PDE4D: variants seen among roughly 807,000 people sequenced by gnomAD.
PDE4D encodes the protein phosphodiesterase 4D, also known as 3',5'-cyclic-AMP phosphodiesterase 4D.
Under a neutral mutation model 87.4 loss-of-function variants are expected in PDE4D, and 24 were observed. The ratio of observed to expected loss-of-function variants is 0.27; its 90% CI spans 0.20 to 0.39. The LOEUF (loss-of-function observed/expected upper bound fraction) is 0.39, where lower values mean the gene tolerates loss of function less well. Among genes scored for constraint, PDE4D ranks in the 10% least tolerant of loss-of-function variants. The probability of loss-of-function intolerance (pLI) is 1.00; values close to 1 mark genes in which losing one functional copy is unlikely to be tolerated. For missense variants in PDE4D, 714 were observed against 1,041.0 expected, an observed-to-expected ratio of 0.69 and a Z score of 4.32; for synonymous variants, 384 against 383.2, an observed-to-expected ratio of 1.00 and a Z score of -0.02.
intron 2 of PDE4D, among the ~76,000 whole-genome samples, chr5:60,012,509 T>C (rs1044149816): frequency 6.6e-6 from 1 of 152,218 alleles, no homozygotes; most frequent in African/African-American, 2.4e-5. Context: ...GAAAAAATCC[T>C]GACTTCTGCA....
intron 1 of PDE4D, among the ~76,000 whole-genome samples, chr5:60,389,548 G>A (rs1561197900): frequency 6.6e-6 from 1 of 152,106 alleles, no homozygotes; most frequent in Non-Finnish European, 1.5e-5. Context: ...TAACAACAGT[G>A]ATTTCATTTT....
At chr5:59,795,315 T>C (rs1766336124) in intron 1 of PDE4D, among the ~76,000 whole-genome samples, 1 of 152,138 alleles carries the variant, frequency 6.6e-6, no homozygotes, top group Non-Finnish European at 1.5e-5. Flanking sequence ...GTTCCTCTTT[T>C]TGGACACAGA....
intron 1 of PDE4D, among the ~76,000 whole-genome samples, chr5:59,574,426 T>C (rs55723056): frequency 0.16 from 24,019 of 151,632 alleles, 2,106 homozygotes; most frequent in South Asian, 0.23. Context: ...TATTATCTCA[T>C]TGAATCCTTA....
At chr5:59,914,330 G>T (rs1444469630) in intron 3 of PDE4D, among the ~76,000 whole-genome samples, 1 of 152,054 alleles carries the variant, frequency 6.6e-6, no homozygotes, top group East Asian at 1.9e-4. Flanking sequence ...GGAGAGGGAG[G>T]TATGCAATTT....
At chr5:59,723,450 CG>C (rs1323112688) in intron 1 of PDE4D, among the ~76,000 whole-genome samples, 7 of 152,056 alleles carry the variant, frequency 4.6e-5, no homozygotes, top group African/African-American at 1.7e-4. Context: ...TCAAGAAATA[CG>C]GACTATTGTT....
intron 1 of PDE4D, among the ~76,000 whole-genome samples, chr5:60,514,111 G>A (rs1303545715): frequency 1.3e-5 from 2 of 151,618 alleles, no homozygotes; most frequent in African/African-American, 4.8e-5. Flanking sequence ...TGATAAAGGA[G>A]GAAATAACAA....
chr5:60,331,370 C>G (rs1041369747), intron 1 of PDE4D, among the ~76,000 whole-genome samples: 1 of 152,220 alleles, frequency 6.6e-6, no homozygotes, highest in Non-Finnish European at 1.5e-5. Context: ...AAGCCCTGCA[C>G]CAGAATTTAC....
At chr5:59,848,271 A>T (rs1014351072) in intron 1 of PDE4D, among the ~76,000 whole-genome samples, 12 of 152,068 alleles carry the variant, frequency 7.9e-5, no homozygotes, top group Non-Finnish European at 1.8e-4. Context: ...TGTTTATTGT[A>T]ATTTCAAGTG....
chr5:59,132,628 T>A (rs1431897381), intron 5 of PDE4D, among the ~76,000 whole-genome samples: 1 of 152,212 alleles, frequency 6.6e-6, no homozygotes. Flanking sequence ...AACACTAGTT[T>A]AATCTTCCCT....
intron 2 of PDE4D, among the ~76,000 whole-genome samples, chr5:60,160,984 T>C (rs1782426618): frequency 6.6e-6 from 1 of 152,180 alleles, no homozygotes; most frequent in Non-Finnish European, 1.5e-5. Flanking sequence ...TCAAAATTCA[T>C]CATGATGTGC....
At chr5:59,122,394 G>A (rs1045167906) in intron 5 of PDE4D, among the ~76,000 whole-genome samples, 1 of 152,150 alleles carries the variant, frequency 6.6e-6, no homozygotes, top group Non-Finnish European at 1.5e-5. Context: ...CAGAGCCTGG[G>A]AGGAGTGTGT....
Position 59,664,031 on chromosome 5 carries a change from C to A in PDE4D, c.455+229137G>T, listed in dbSNP as rs78363586. On this transcript the variant is annotated intron_variant, in intron 1 of 14. Coordinates refer to ENST00000340635, the MANE Select transcript of PDE4D (RefSeq NM_001104631.2). Reference sequence around the variant, plus strand: ...TTTGCCTATTTTTAAAAAGCTCTTCCTTCATTCTGATTGGCTTTAGAAACA... The same window carrying A: ...TTTGCCTATTTTTAAAAAGCTCTTCATTCATTCTGATTGGCTTTAGAAACA... 3.5e-3 allele frequency among the ~76,000 whole-genome samples: 532 copies of A among 152,260 alleles called. 3 individuals carry two copies. Among genetic ancestry groups the A allele is most frequent in the African/African-American group, 0.012 (511 of 41,560 alleles).
At chr5:60,259,182 A>T (rs892009344) in intron 1 of PDE4D, among the ~76,000 whole-genome samples, 2 of 152,098 alleles carry the variant, frequency 1.3e-5, no homozygotes, top group Non-Finnish European at 2.9e-5. Context: ...ATGGAGAAAT[A>T]AATGTATATA....
chr5:59,374,839 T>G (rs1168513168), intron 1 of PDE4D, among the ~76,000 whole-genome samples: 1 of 152,072 alleles, frequency 6.6e-6, no homozygotes, highest in Non-Finnish European at 1.5e-5. Flanking sequence ...CAGACCAGAG[T>G]GCAATCAAAT....
At chr5:59,340,401 CT>C (rs1021618253) in intron 1 of PDE4D, among the ~76,000 whole-genome samples, 9 of 151,696 alleles carry the variant, frequency 5.9e-5, no homozygotes, top group Non-Finnish European at 5.9e-5. Flanking sequence ...TTACTTTTTA[CT>C]TTTGTGGGTA....
chr5:59,312,172 T>C (rs1212317056), intron 1 of PDE4D, among the ~76,000 whole-genome samples: 1 of 152,166 alleles, frequency 6.6e-6, no homozygotes, highest in African/African-American at 2.4e-5. Context: ...ATGTACGACT[T>C]TTGACAACTT....
intron 1 of PDE4D, among the ~76,000 whole-genome samples, chr5:60,322,361 CACACAT>C (rs1035057697): frequency 1.7e-5 from 2 of 114,286 alleles, no homozygotes; most frequent in African/African-American, 4.0e-5. Context: ...TATATATGGA[CACACAT>C]ACACACACAC....
chr5:59,731,037 G>C (rs1757294816), intron 1 of PDE4D, among the ~76,000 whole-genome samples: 1 of 151,970 alleles, frequency 6.6e-6, no homozygotes, highest in Non-Finnish European at 1.5e-5. Context: ...TGACACTGCT[G>C]ATTGTATATA....
In PDE4D at chr5:59,470,126, G is replaced by T. The variant is rs115227956; in HGVS notation, c.456-254158C>A. Among the ~76,000 whole-genome samples, 793 of 152,264 alleles carry T rather than the reference G, an allele frequency of 5.2e-3. 11 individuals are homozygous for T. Among genetic ancestry groups the T allele is most frequent in the African/African-American group, 0.017 (710 of 41,562 alleles). On this transcript the variant is annotated intron_variant, in intron 1 of 14. Coordinates refer to ENST00000340635, the MANE Select transcript of PDE4D (RefSeq NM_001104631.2). ...GCACACAGAGTTTTAAGAATCACAT[G>T]CTAGAAGGTGTGGGTCTGTCTCCTG...
Sources: allele counts gnomAD v4.1 joint callset (sites outside exome capture counted in the v4.1 genomes callset), GRCh38; gene constraint gnomAD v4.1.1; transcripts MANE v1.5; gene names NCBI Gene and HGNC (gene_info 2026-07-23, HGNC 2026-07-21).